The following ZMYM4 variants were observed in gnomAD, a reference collection of about 807,000 sequenced individuals.
The protein encoded by ZMYM4 is zinc finger MYM-type containing 4.
A neutral mutation model predicts 183.2 loss-of-function variants in ZMYM4; 31 were observed. The observed-to-expected ratio is 0.17, with a 90% CI of 0.13 to 0.23. ZMYM4 has a LOEUF of 0.23. ZMYM4 is among the 10% of genes least tolerant of loss of function. ZMYM4 has a pLI of 1.00. For missense variants in ZMYM4, 1,273 were observed against 1,840.3 expected, an observed-to-expected ratio of 0.69 and a Z score of 5.64; for synonymous variants, 592 against 631.2, an observed-to-expected ratio of 0.94 and a Z score of 0.93.
chr1:35,279,591 T>G (rs1640043665), intron 1 of ZMYM4, among the ~76,000 whole-genome samples: 1 of 152,222 alleles, frequency 6.6e-6, no homozygotes, highest in Non-Finnish European at 1.5e-5. Context: ...AATCGTTGTT[T>G]CCTTTTGCTT....
chr1:35,362,681 T>C (rs990525502), intron 5 of ZMYM4, among the ~76,000 whole-genome samples: 1 of 152,158 alleles, frequency 6.6e-6, no homozygotes, highest in African/African-American at 2.4e-5. Flanking sequence ...AAGTGCTTTC[T>C]TTTTCTTTTC....
chr1:35,366,884 C>CGAG (rs2148925671), intron 5 of ZMYM4, among the ~76,000 whole-genome samples: 1 of 151,978 alleles, frequency 6.6e-6, no homozygotes, highest in African/African-American at 2.4e-5. Flanking sequence ...ATTAGCCGGG[C>CGAG]GTGGTGGTGC....
chr1:35,332,823 T>C (rs911719140), intron 2 of ZMYM4, among the ~76,000 whole-genome samples: 29 of 152,124 alleles, frequency 1.9e-4, no homozygotes, highest in African/African-American at 6.8e-4. Context: ...ACCTCCCAGG[T>C]AGCTAGAACT....
rs777974864 is a variant in ZMYM4 at position 35,301,865 on chromosome 1, A to C, written c.40-23495A>C. On this transcript the variant is annotated intron_variant, in intron 1 of 29. Transcript: ENST00000314607. ...TCCATTTAGGTTCACTCTGTATGCTATGTGGCCTGGAAACTCTCAGATGGT... is the reference window on the plus strand; with the variant it reads ...TCCATTTAGGTTCACTCTGTATGCTCTGTGGCCTGGAAACTCTCAGATGGT... Among the ~76,000 whole-genome samples, 5 of 152,254 alleles carry C rather than the reference A, an allele frequency of 3.3e-5. 1 individual carries two copies. The highest frequency in any genetic ancestry group is 6.8e-3 in the Middle Eastern group (2 of 294).
At chr1:35,353,407 TC>T (rs1334606444) in intron 2 of ZMYM4, among the ~76,000 whole-genome samples, 19 of 152,332 alleles carry the variant, frequency 1.2e-4, no homozygotes, top group African/African-American at 4.6e-4. Context: ...TCTAACGACT[TC>T]CTTTTACACT....
chr1:35,269,923 ATAAGAAG>A (rs1347290296), intron 1 of ZMYM4, among the ~76,000 whole-genome samples: 3 of 152,220 alleles, frequency 2.0e-5, no homozygotes, highest in African/African-American at 4.8e-5. Flanking sequence ...GCTTAGCATG[ATAAGAAG>A]TAAGTTTCCT....
intron 2 of ZMYM4, among the ~76,000 whole-genome samples, chr1:35,333,749 TTTTC>T (rs1342253883): frequency 3.9e-5 from 6 of 152,036 alleles, no homozygotes; most frequent in Non-Finnish European, 7.4e-5. Context: ...GATTTTGAGT[TTTTC>T]TTATTTAACA....
At chr1:35,385,365 T>C in intron 9 of ZMYM4, 77 bp from the exon 10 acceptor site, 5 of 1,404,492 alleles carry the variant, frequency 3.6e-6, no homozygotes, top group Non-Finnish European at 4.8e-6. Flanking sequence ...TCAAAAGTGT[T>C]GAGTATAAAC....
intron 2 of ZMYM4, among the ~76,000 whole-genome samples, chr1:35,326,229 T>C (rs1642498095): frequency 6.6e-6 from 1 of 152,172 alleles, no homozygotes; most frequent in African/African-American, 2.4e-5. Context: ...AAAAACACCA[T>C]CAAACTTCTA....
intron 1 of ZMYM4, among the ~76,000 whole-genome samples, chr1:35,273,589 T>C (rs1639723109): frequency 6.6e-6 from 1 of 152,222 alleles, no homozygotes; most frequent in Non-Finnish European, 1.5e-5. Flanking sequence ...AAATTCTGTG[T>C]GTATTAAATT....
chr1:35,274,987 C>G (rs1047946033), intron 1 of ZMYM4, among the ~76,000 whole-genome samples: 1 of 152,092 alleles, frequency 6.6e-6, no homozygotes, highest in African/African-American at 2.4e-5. Flanking sequence ...AAATAAAGCA[C>G]ATAATTCTTT....
chr1:35,387,589 T>G lies in ZMYM4; in HGVS notation c.2248T>G (p.Ser750Ala), dbSNP rs1361824900. The change falls in exon 13 of 30, where the codon TCA (serine) becomes GCA (alanine). Residue 750 changes from serine (S) to alanine (A), a missense_variant. Transcript: ENST00000314607. ...TGTTCGGTTCTCAGGTGCTGACAAG[T>G]CATTCTGTAGTGAAGGTAAAGACAG... ...ETVRFSGADKSFCSEGCKLLY... is the reference protein window; with the variant it reads ...ETVRFSGADKAFCSEGCKLLY... 3.1e-6 allele frequency: 5 copies of G among 1,611,436 alleles called. No homozygotes were observed. Among genetic ancestry groups the G allele is most frequent in the Non-Finnish European group, 4.2e-6 (5 of 1,179,286 alleles).
At chr1:35,408,472 TCA>T (rs1321716428) in intron 26 of ZMYM4, among the ~76,000 whole-genome samples, 1 of 152,160 alleles carries the variant, frequency 6.6e-6, no homozygotes, top group Non-Finnish European at 1.5e-5. Flanking sequence ...GTGTGGTGGC[TCA>T]CACCTGTATT....
At chr1:35,301,376 G>A (rs1031281503) in intron 1 of ZMYM4, among the ~76,000 whole-genome samples, 56 of 151,906 alleles carry the variant, frequency 3.7e-4, no homozygotes, top group African/African-American at 1.2e-3. Context: ...GTGAAACCTC[G>A]TCTCTACTAA....
chr1:35,369,857 T>C (rs1467779100), intron 5 of ZMYM4, among the ~76,000 whole-genome samples, 172 bp from the exon 6 acceptor site: 1 of 152,106 alleles, frequency 6.6e-6, no homozygotes, highest in Non-Finnish European at 1.5e-5. Flanking sequence ...TATACATATT[T>C]TACCTATATT....
At chr1:35,382,588 G>A (rs569211736) in intron 9 of ZMYM4, among the ~76,000 whole-genome samples, 11 of 151,206 alleles carry the variant, frequency 7.3e-5, no homozygotes, top group Non-Finnish European at 1.5e-4. Context: ...GATTACAGGC[G>A]CCCACCACCA....
chr1:35,310,296 T>C, intron 1 of ZMYM4: 1 of 209,658 alleles, frequency 4.8e-6, no homozygotes, highest in Non-Finnish European at 9.4e-6. Flanking sequence ...TTGTAGATGA[T>C]TTGAAAGATT....
chr1:35,314,612 T>C (rs1557981471), intron 1 of ZMYM4, among the ~76,000 whole-genome samples: 1 of 150,440 alleles, frequency 6.6e-6, no homozygotes, highest in Non-Finnish European at 1.5e-5. Flanking sequence ...GTAAATATAG[T>C]ATTTTATACT....
Position 35,387,107 on chromosome 1 carries a change from A to T in ZMYM4, c.1941A>T (p.Gly647=). ...IPTGSTVSAG[G]GSTSAVSPTS... ...CAGGTTCCACAGTGTCAGCCGGAGGAGGTAGCACATCTGCTGTTTCTCCCA... is the reference window on the plus strand; with the variant it reads ...CAGGTTCCACAGTGTCAGCCGGAGGTGGTAGCACATCTGCTGTTTCTCCCA... Residue 647 remains glycine (G), a synonymous_variant, in exon 12 of 30, where the codon GGA becomes GGT. Transcript: ENST00000314607. The T allele has an allele frequency of 1.6e-5, 26 of 1,614,236 alleles. No individual in the cohort carries two copies. Among genetic ancestry groups the T allele is most frequent in the Non-Finnish European group, 2.2e-5 (26 of 1,180,038 alleles).
Sources: gnomAD v4.1 joint callset for allele counts (sites outside exome capture counted in the v4.1 genomes callset) on GRCh38, gnomAD v4.1.1 for gene constraint, MANE v1.5 for transcripts, NCBI Gene and HGNC (gene_info 2026-07-23, HGNC 2026-07-21) for gene names.